The following CPT1A variants were observed in gnomAD, a reference collection of about 807,000 sequenced individuals.
CPT1A encodes the protein carnitine palmitoyltransferase 1A, also known as carnitine O-palmitoyltransferase 1, liver isoform.
A neutral mutation model predicts 100.8 loss-of-function variants in CPT1A; 64 were observed. The observed-to-expected ratio is 0.63, with a 90% confidence interval of 0.52 to 0.78. The LOEUF (loss-of-function observed/expected upper bound fraction) is 0.78, where lower values mean the gene tolerates loss of function less well. Among genes scored for constraint, CPT1A ranks in the 30% least tolerant of loss-of-function variants. The probability of loss-of-function intolerance (pLI) is 0.00; values close to 1 mark genes in which losing one functional copy is unlikely to be tolerated. For missense variants in CPT1A, 802 were observed against 1,034.1 expected (o/e 0.78, Z 3.08); for synonymous variants, 363 against 396.0 (o/e 0.92, Z 0.99).
chr11:68,777,413 G>A (rs1322058318), intron 12 of CPT1A, among the ~76,000 whole-genome samples: 1 of 152,186 alleles, frequency 6.6e-6, no homozygotes, highest in African/African-American at 2.4e-5. Flanking sequence ...CTGGGTGGCA[G>A]AGCAAGACCC....
intron 12 of CPT1A, among the ~76,000 whole-genome samples, chr11:68,777,541 C>A (rs949942777): frequency 1.3e-5 from 2 of 152,226 alleles, no homozygotes; most frequent in Non-Finnish European, 2.9e-5. Flanking sequence ...GGTCAGTCCC[C>A]ATCTGTGTAT....
intron 1 of CPT1A, among the ~76,000 whole-genome samples, chr11:68,838,733 C>G (rs1857085300): frequency 6.6e-6 from 1 of 152,082 alleles, no homozygotes; most frequent in South Asian, 2.1e-4. Context: ...TCCACCAGGC[C>G]CTACTAATTG....
chr11:68,804,380 C>T lies in CPT1A; in HGVS notation c.454-279G>A, dbSNP rs149704478. Among the ~76,000 whole-genome samples, 654 of 152,276 alleles carry T rather than the reference C, an allele frequency of 4.3e-3. 1 individual carries two copies. Among genetic ancestry groups the T allele is most frequent in the Admixed American group, 6.4e-3 (98 of 15,292 alleles). ...GGTTCTAGCAAATAAGCATATAACC[C>T]TGCCCTCCATGCCAATAAAAGCCTG... On this transcript the variant is annotated intron_variant, in intron 4 of 18. Coordinates refer to ENST00000265641, the MANE Select transcript of CPT1A (RefSeq NM_001876.4).
At position 68,812,490 on chromosome 11, in the gene CPT1A, CT is replaced by C; in HGVS notation, c.227del (p.Lys76ArgfsTer6). On this transcript the variant is annotated frameshift_variant, in exon 3 of 19. Coordinates refer to ENST00000265641, the MANE Select transcript of CPT1A (RefSeq NM_001876.4). LOFTEE classifies it high-confidence loss of function. Reference protein sequence around the residue: ...VVGVMTTMYAKIDPSLGIIAK... With the variant: ...VVGVMTTMYAXIDPSLGIIAK... ...CAATTATTCCTAACGAGGGGTCGAT[CT>C]TGGCGTACATCGTTGTCATCACGCC... 3 of 1,614,198 alleles carry C rather than the reference CT, an allele frequency of 1.9e-6. No homozygotes were observed. The highest frequency in any genetic ancestry group is 2.5e-6 in the Non-Finnish European group (3 of 1,180,034).
intron 1 of CPT1A, among the ~76,000 whole-genome samples, chr11:68,816,809 TGTGTGTGTG>T (rs748346704): frequency 1.1e-3 from 152 of 139,856 alleles, no homozygotes; most frequent in African/African-American, 2.8e-3. Flanking sequence ...GTGTGTGGTA[TGTGTGTGTG>T]GTGTGTGTGG....
At chr11:68,761,375 A>G (rs543329098) in intron 16 of CPT1A, among the ~76,000 whole-genome samples, 160 bp downstream of exon 16, 60 of 151,280 alleles carry the variant, frequency 4.0e-4, no homozygotes, top group African/African-American at 1.4e-3. Flanking sequence ...GCAGTACTAA[A>G]CGCGCTGCTC....
intron 1 of CPT1A, among the ~76,000 whole-genome samples, chr11:68,824,044 T>C (rs1368930939): frequency 2.0e-5 from 3 of 151,486 alleles, no homozygotes; most frequent in East Asian, 1.9e-4. Flanking sequence ...GTCAGGAGTT[T>C]GAGACCAGCC....
rs560131525 is a variant in CPT1A at position 68,757,856 on chromosome 11, G to A, written c.2236-126C>T. 7.0e-4 allele frequency: 562 copies of A among 802,430 alleles called. 12 individuals are homozygous for A. In the South Asian group the frequency reaches 7.8e-3, roughly 11 times the overall value. 49.7% of individuals were successfully genotyped at this position (802,430 alleles called of 1,614,324 possible). A position where few individuals can be genotyped will look rare whatever the true frequency, so the allele number is the denominator to read the frequency against. ...CCTTTCTGCCAGTTCTCTAAGATCT[G>A]ACCAACGTCTTAAAGCTTAACTTAG... On this transcript the variant is annotated intron_variant, in intron 18 of 18. Transcript: ENST00000265641.
chr11:68,827,270 C>T (rs1594374286), intron 1 of CPT1A, among the ~76,000 whole-genome samples: 2 of 152,034 alleles, frequency 1.3e-5, no homozygotes, highest in East Asian at 3.9e-4. Flanking sequence ...GAGGTTGAGG[C>T]TACAGTGAGC....
In CPT1A at chr11:68,760,465, C is replaced by G. The variant is rs528907222; in HGVS notation, c.2029-127G>C. 59 of 826,884 alleles carry G rather than the reference C, an allele frequency of 7.1e-5. No homozygotes were observed. The African/African-American group carries it at 7.8e-4, about 11-fold the overall frequency. 51.2% of individuals were successfully genotyped at this position (826,884 alleles called of 1,614,324 possible). The stretch of plus-strand genomic sequence containing the variant: ...TTCCACACACCACAAGTCTATGTCT[C>G]CAAAGGCCTCACTGGCTTGGGCAGC... On this transcript the variant is annotated intron_variant, in intron 16 of 18. Coordinates refer to ENST00000265641, the MANE Select transcript of CPT1A (RefSeq NM_001876.4).
In CPT1A at chr11:68,762,645, C is replaced by T; in HGVS notation, c.1857G>A (p.Met619Ile). Reference sequence around the variant, plus strand: ...ACATTACCGTCTGGGCCGGGTCCACCATGGCCCGCACGAAGTCGCATGACT... The same window carrying T: ...ACATTACCGTCTGGGCCGGGTCCACTATGGCCCGCACGAAGTCGCATGACT... Reference protein sequence around the residue: ...TTESCDFVRAMVDPAQTVEQR... With the variant: ...TTESCDFVRAIVDPAQTVEQR... The change falls in exon 15 of 19, where the codon ATG becomes ATA. Residue 619 changes from methionine (M) to isoleucine (I), a missense_variant. Coordinates refer to ENST00000265641, the MANE Select transcript of CPT1A (RefSeq NM_001876.4). 8 of 1,613,850 alleles carry T rather than the reference C, an allele frequency of 5.0e-6. No homozygotes were observed. The highest frequency in any genetic ancestry group is 6.8e-6 in the Non-Finnish European group (8 of 1,180,038).
chr11:68,759,738 G>T (rs139587361), intron 17 of CPT1A, 77 bp from the exon 18 acceptor site: 1 of 1,080,938 alleles, frequency 9.3e-7, no homozygotes, highest in Non-Finnish European at 1.4e-6. Context: ...TGTTCTAAAT[G>T]CAACACTGGC....
In CPT1A at chr11:68,771,755, C is replaced by G. The variant is rs539393482; in HGVS notation, c.1740+1510G>C. Among the ~76,000 whole-genome samples the G allele has an allele frequency of 2.0e-5, 3 of 152,292 alleles. No individual in the cohort carries two copies. In the South Asian group the frequency reaches 6.2e-4, roughly 32 times the overall value. On this transcript the variant is annotated intron_variant, in intron 14 of 18. Coordinates refer to ENST00000265641, the MANE Select transcript of CPT1A (RefSeq NM_001876.4). ...TACTTCTCTGTAACTGTTTTCTTAACTTTAGGTGGAGAGAGCATAGACTCT... is the reference window on the plus strand; with the variant it reads ...TACTTCTCTGTAACTGTTTTCTTAAGTTTAGGTGGAGAGAGCATAGACTCT...
At chr11:68,775,498 T>C (rs1304768946) in intron 12 of CPT1A, 66 bp from the exon 13 acceptor site, 2 of 1,226,644 alleles carry the variant, frequency 1.6e-6, no homozygotes, top group African/African-American at 1.5e-5. Context: ...ACCTCCAACA[T>C]GAAGAGAGGG....
rs184026579 is a variant in CPT1A at position 68,762,773 on chromosome 11, G to T, written c.1741-12C>A. 1 of 1,614,044 alleles carries T rather than the reference G, an allele frequency of 6.2e-7. No homozygotes were observed. Among genetic ancestry groups the T allele is most frequent in the East Asian group, 2.2e-5 (1 of 44,886 alleles). ...AACTTGCCCATGTCCTGGGGAAAGA[G>T]AAGTACTTCAGTGCACGGCAGGGCA... On this transcript the variant is annotated splice_polypyrimidine_tract_variant and intron_variant, in intron 14 of 18. Transcript: ENST00000265641.
At chr11:68,776,507 T>TA (rs1165095111) in intron 12 of CPT1A, among the ~76,000 whole-genome samples, 15 of 152,206 alleles carry the variant, frequency 9.9e-5, no homozygotes, top group African/African-American at 3.4e-4. Flanking sequence ...GGCACATACA[T>TA]ACACACAGAA....
rs536717496 is a variant in CPT1A, at chr11:68,821,945, C to T, written c.-13-6458G>A. 8.2e-4 allele frequency among the ~76,000 whole-genome samples: 125 copies of T among 152,288 alleles called. 1 individual carries two copies. Among genetic ancestry groups the T allele is most frequent in the African/African-American group, 2.9e-3 (122 of 41,570 alleles). The stretch of plus-strand genomic sequence containing the variant: ...CCATAGGAAAACACCACTTCACACT[C>T]AGGAGGATGGCTAGTATCACAAAGA... On this transcript the variant is annotated intron_variant, in intron 1 of 18. Transcript: ENST00000265641.
intron 10 of CPT1A, among the ~76,000 whole-genome samples, chr11:68,783,113 G>A (rs1291254446): frequency 2.0e-5 from 3 of 152,016 alleles, no homozygotes; most frequent in Admixed American, 6.6e-5. Flanking sequence ...ACCGAACAAC[G>A]CCGGCTTGCC....
At chr11:68,800,484 T>C (rs1855875634) in intron 5 of CPT1A, among the ~76,000 whole-genome samples, 2 of 130,504 alleles carry the variant, frequency 1.5e-5, no homozygotes, top group Non-Finnish European at 3.2e-5. Flanking sequence ...AGACCCCCCA[T>C]CTCTGCAAAA....
Sources: gnomAD v4.1 joint callset for allele counts (sites outside exome capture counted in the v4.1 genomes callset) on GRCh38, gnomAD v4.1.1 for gene constraint, MANE v1.5 for transcripts, NCBI Gene and HGNC (gene_info 2026-07-23, HGNC 2026-07-21) for gene names.